SULF1: variants seen among roughly 807,000 people sequenced by gnomAD.
SULF1 encodes sulfatase 1, also known as extracellular sulfatase Sulf-1.
SULF1 carries 46 observed loss-of-function variants against 110.5 expected under a neutral mutation model. The observed-to-expected ratio is 0.42, with a 90% CI of 0.33 to 0.53. SULF1 has a LOEUF of 0.53. Among genes scored for constraint, SULF1 ranks in the 20% least tolerant of loss-of-function variants. The pLI, the probability that SULF1 is intolerant of heterozygous loss-of-function variation, is 0.12. For missense variants in SULF1, 941 were observed against 1,094.2 expected (o/e 0.86, Z 1.98); for synonymous variants, 371 against 387.1 (o/e 0.96, Z 0.49).
At chr8:69,518,607 T>C (rs780046151) in intron 3 of SULF1, among the ~76,000 whole-genome samples, 3 of 152,210 alleles carry the variant, frequency 2.0e-5, no homozygotes, top group African/African-American at 2.4e-5. Context: ...AGGTCAGATC[T>C]AGAATGACCT....
At chr8:69,614,002 C>A (rs1412114927) in intron 13 of SULF1, among the ~76,000 whole-genome samples, 1 of 152,042 alleles carries the variant, frequency 6.6e-6, no homozygotes, top group Non-Finnish European at 1.5e-5. Context: ...GAATCCCAAC[C>A]CAATACTCAT....
intron 3 of SULF1, among the ~76,000 whole-genome samples, chr8:69,522,946 A>G (rs1812410758): frequency 6.6e-6 from 1 of 152,234 alleles, no homozygotes; most frequent in Non-Finnish European, 1.5e-5. Flanking sequence ...CAACTCTTTC[A>G]GGGAGTTTGC....
At chr8:69,649,398 T>C (rs1812161796) in intron 22 of SULF1, among the ~76,000 whole-genome samples, 1 of 152,228 alleles carries the variant, frequency 6.6e-6, no homozygotes, top group Non-Finnish European at 1.5e-5. Flanking sequence ...ATAACTGTTA[T>C]GCATTTATCA....
intron 15 of SULF1, among the ~76,000 whole-genome samples, chr8:69,626,786 C>A (rs377112559): frequency 6.6e-6 from 1 of 152,252 alleles, no homozygotes; most frequent in South Asian, 2.1e-4. Flanking sequence ...GCCAAGCCCA[C>A]GCCCATCCGG....
At chr8:69,620,000 G>T (rs950435007) in intron 13 of SULF1, among the ~76,000 whole-genome samples, 5 of 152,164 alleles carry the variant, frequency 3.3e-5, no homozygotes, top group African/African-American at 1.2e-4. Context: ...CTCTTGCCTA[G>T]CTCTTGGAAG....
chr8:69,544,196 T>G (rs950860082), intron 3 of SULF1, among the ~76,000 whole-genome samples: 5 of 152,186 alleles, frequency 3.3e-5, no homozygotes, highest in Non-Finnish European at 7.4e-5. Flanking sequence ...TGTATTAATT[T>G]GAGTTTTTGG....
At position 69,627,778 on chromosome 8, in the gene SULF1, G is replaced by A. The variant is rs773283487; in HGVS notation, c.1954G>A (p.Ala652Thr). The A allele has an allele frequency of 1.0e-5, 16 of 1,606,536 alleles. No homozygotes were observed. Among genetic ancestry groups the A allele is most frequent in the Admixed American group, 1.7e-5 (1 of 59,226 alleles). ...TTGAAAACATGTTTTCCAGATTGAA[G>A]CTCTGCAAGATAAAATTAAGAATTT... ...HKAYIDKEIE[A>T]LQDKIKNLRE... The change falls in exon 17 of 23, where the codon GCT (alanine) becomes ACT (threonine). Residue 652 changes from alanine to threonine, a missense_variant. By Grantham distance (58) the Ala-to-Thr change is moderately conservative (BLOSUM62 0). Around this residue, in one of 3 missense-constraint regions of SULF1, gnomAD observed 822 missense variants for 934.3 expected, o/e 0.88. Transcript: ENST00000402687.
At chr8:69,612,513 A>ACTGTTTTGTT (rs71556774) in intron 13 of SULF1, among the ~76,000 whole-genome samples, 2 of 151,442 alleles carry the variant, frequency 1.3e-5, no homozygotes, top group Non-Finnish European at 3.0e-5. Flanking sequence ...GCCAACATCT[A>ACTGTTTTGTT]TTGTTTTGTT....
At chr8:69,583,911 A>T (rs982925720) in intron 6 of SULF1, among the ~76,000 whole-genome samples, 1 of 152,232 alleles carries the variant, frequency 6.6e-6, no homozygotes, top group African/African-American at 2.4e-5. Context: ...TTGATATATA[A>T]AGAGGCAAAT....
chr8:69,626,482 C>G (rs951358578), intron 15 of SULF1, among the ~76,000 whole-genome samples: 2 of 152,242 alleles, frequency 1.3e-5, no homozygotes, highest in African/African-American at 2.4e-5. Flanking sequence ...GCCATGCGCT[C>G]GCACTCCTCA....
intron 6 of SULF1, among the ~76,000 whole-genome samples, chr8:69,576,885 T>C (rs947976403): frequency 6.6e-6 from 1 of 152,268 alleles, no homozygotes; most frequent in Non-Finnish European, 1.5e-5. Context: ...AAATATGTTA[T>C]GATTAAAGCT....
chr8:69,534,363 G>A (rs1813297360), intron 3 of SULF1, among the ~76,000 whole-genome samples: 2 of 152,092 alleles, frequency 1.3e-5, no homozygotes, highest in South Asian at 4.1e-4. Context: ...CATTGTGCAT[G>A]GTGGATATTT....
At chr8:69,525,332 C>A (rs952883799) in intron 3 of SULF1, among the ~76,000 whole-genome samples, 1 of 152,092 alleles carries the variant, frequency 6.6e-6, no homozygotes, top group African/African-American at 2.4e-5. Context: ...GAAACAAATT[C>A]TATTTTCTTT....
chr8:69,526,160 T>C (rs1812646805), intron 3 of SULF1, among the ~76,000 whole-genome samples: 1 of 152,178 alleles, frequency 6.6e-6, no homozygotes, highest in Non-Finnish European at 1.5e-5. Context: ...AAGGACACTT[T>C]GTACCATAGA....
At chr8:69,604,208 G>A (rs1808044957) in intron 12 of SULF1, among the ~76,000 whole-genome samples, 1 of 152,112 alleles carries the variant, frequency 6.6e-6, no homozygotes. Context: ...CTTTATCATG[G>A]GTGTAGATTT....
At chr8:69,576,544 G>A (rs1805621151) in intron 6 of SULF1, among the ~76,000 whole-genome samples, 1 of 152,198 alleles carries the variant, frequency 6.6e-6, no homozygotes, top group African/African-American at 2.4e-5. Context: ...TCCAGGAAAG[G>A]AAGTCATCCT....
At chr8:69,525,197 G>GT (rs1205867401) in intron 3 of SULF1, among the ~76,000 whole-genome samples, 2 of 151,994 alleles carry the variant, frequency 1.3e-5, no homozygotes, top group African/African-American at 2.4e-5. Context: ...TGCCAGAGAA[G>GT]TTTTTTTTAA....
intron 3 of SULF1, among the ~76,000 whole-genome samples, chr8:69,522,238 A>T (rs528498468): frequency 1.3e-5 from 2 of 152,162 alleles, no homozygotes; most frequent in African/African-American, 4.8e-5. Context: ...TTTAGTAGAG[A>T]TGGGGTTTCA....
intron 10 of SULF1, 98 bp downstream of exon 10, chr8:69,601,927 A>G (rs1807848164): frequency 7.6e-7 from 1 of 1,317,974 alleles, no homozygotes; most frequent in East Asian, 2.4e-5. Flanking sequence ...CTTTCATCCA[A>G]AACAAAAAAG....
Sources: gnomAD v4.1 joint callset for allele counts (sites outside exome capture counted in the v4.1 genomes callset) on GRCh38, gnomAD v4.1.1 for gene constraint, gnomAD v4.1.1 regional missense constraint, MANE v1.5 for transcripts, NCBI Gene and HGNC (gene_info 2026-07-23, HGNC 2026-07-21) for gene names.